NOX4: variants seen among roughly 807,000 people sequenced by gnomAD.
The protein encoded by NOX4 is NADPH oxidase 4.
A neutral mutation model predicts 87.6 loss-of-function variants in NOX4; 69 were observed. The observed-to-expected ratio is 0.79, with a 90% CI of 0.65 to 0.96. The LOEUF is 0.96. NOX4 is among the 40% of genes least tolerant of loss of function. The pLI, the probability that NOX4 is intolerant of heterozygous loss-of-function variation, is 0.00. For synonymous variants in NOX4, 275 were observed against 238.2 expected, an observed-to-expected ratio of 1.15 and a Z score of -1.42; for missense variants, 680 against 681.5, an observed-to-expected ratio of 1.00 and a Z score of 0.02.
chr11:89,444,070 TCA>T, intron 5 of NOX4, 63 bp downstream of exon 5: 3 of 1,397,926 alleles, frequency 2.1e-6, no homozygotes, highest in Non-Finnish European at 3.0e-6. Context: ...CAGGGAAAAA[TCA>T]CAGACCCTCA....
At chr11:89,550,624 C>T in the NOX4 span, among the ~76,000 whole-genome samples, 1 of 152,114 alleles carries the variant, frequency 6.6e-6, no homozygotes. Flanking sequence ...ATATCCTTCA[C>T]TCACTTTTTG....
At chr11:89,373,723 A>C (rs149379965) in intron 11 of NOX4, among the ~76,000 whole-genome samples, 1,737 of 152,194 alleles carry the variant, frequency 0.011, 38 homozygotes, top group African/African-American at 0.04. Flanking sequence ...GTAAAACAAT[A>C]AATTACACAC....
intron 8 of NOX4, among the ~76,000 whole-genome samples, chr11:89,406,606 T>C (rs1414825768): frequency 6.6e-6 from 1 of 152,126 alleles, no homozygotes; most frequent in African/African-American, 2.4e-5. Context: ...AGCAGCACTG[T>C]CCAATAGAGC....
At chr11:89,511,917 T>A in the NOX4 span, among the ~76,000 whole-genome samples, 2,265 of 152,192 alleles carry the variant, frequency 0.015, 47 homozygotes, top group African/African-American at 0.047. Flanking sequence ...AATAAACATA[T>A]TGAAGAAACA....
Position 89,449,515 on chromosome 11 carries a change from T to C in NOX4, c.274A>G (p.Arg92Gly). 6.2e-7 allele frequency: 1 copy of C among 1,610,906 alleles called. No homozygotes were observed. Among genetic ancestry groups the C allele is most frequent in the Non-Finnish European group, 8.5e-7 (1 of 1,177,984 alleles). The change falls in exon 4 of 18, where the codon AGG (arginine) becomes GGG (glycine). Residue 92 changes from arginine (R) to glycine (G), a missense_variant. Arg to Gly is a moderately radical substitution (Grantham distance 125). Coordinates refer to ENST00000263317, the MANE Select transcript of NOX4 (RefSeq NM_016931.5). ...YLRGSQKVPS[R>G]RTRRLLDKSR... is the part of the protein sequence containing the mutation. ...TTATCCAACAATCTCCTGGTTCTCC[T>C]GCTTGGAACCTAAACAAAAATCATT... is the stretch of plus-strand genomic sequence containing the variant.
intron 2 of NOX4, among the ~76,000 whole-genome samples, chr11:89,469,521 T>G (rs953059229): frequency 6.6e-6 from 1 of 152,144 alleles, no homozygotes; most frequent in Non-Finnish European, 1.5e-5. Flanking sequence ...GCCTAATTCT[T>G]TAGTGCTTTA....
intron 12 of NOX4, among the ~76,000 whole-genome samples, chr11:89,366,257 T>C (rs766753323): frequency 1.3e-5 from 2 of 152,082 alleles, no homozygotes; most frequent in Admixed American, 6.6e-5. Flanking sequence ...ACAGAGACTC[T>C]AAGCAACTTT....
chr11:89,373,532 CATAATATGA>C, intron 11 of NOX4, 40 bp from the exon 12 acceptor site: 1 of 1,205,662 alleles, frequency 8.3e-7, no homozygotes, highest in Non-Finnish European at 1.2e-6. Flanking sequence ...TTAATAATTA[CATAATATGA>C]AATTATAATT....
intron 13 of NOX4, among the ~76,000 whole-genome samples, chr11:89,354,207 A>G (rs547353299): frequency 6.6e-6 from 1 of 152,312 alleles, no homozygotes; most frequent in South Asian, 2.1e-4. Flanking sequence ...TATTTTAGAT[A>G]TTAGTTTATT....
At chr11:89,394,027 T>C (rs1304180186) in intron 11 of NOX4, among the ~76,000 whole-genome samples, 1 of 152,158 alleles carries the variant, frequency 6.6e-6, no homozygotes, top group Admixed American at 6.6e-5. Flanking sequence ...CTATCACATC[T>C]GTTACCATAA....
At chr11:89,441,149 G>A (rs1363249834) in intron 5 of NOX4, among the ~76,000 whole-genome samples, 1 of 152,172 alleles carries the variant, frequency 6.6e-6, no homozygotes, top group Admixed American at 6.5e-5. Flanking sequence ...ATATGTAGGG[G>A]ATTTGCGCAT....
Position 89,324,719 on chromosome 11 carries a change from GTTCT to G in NOX4, c.*2033_*2036del, listed in dbSNP as rs1381088480. On this transcript the variant is annotated 3_prime_UTR_variant, in exon 18 of 18. Transcript: ENST00000263317. ...ACTAACTCAAAGTGTCTTTTTACTAGTTCTTTCTGTTAAATGTTTCCATGAAAAT... is the reference window on the plus strand; with the variant it reads ...ACTAACTCAAAGTGTCTTTTTACTAGTTCTGTTAAATGTTTCCATGAAAAT... 1.3e-5 allele frequency: 2 copies of G among 152,250 alleles called. No individual in the cohort carries two copies. Among genetic ancestry groups the G allele is most frequent in the Non-Finnish European group, 2.9e-5 (2 of 68,014 alleles). The allele number at this position is 152,250 out of a possible 1,614,324, so 9.4% of individuals were successfully genotyped here. A position where few individuals can be genotyped will look rare whatever the true frequency, so the allele number is the denominator to read the frequency against.
the NOX4 span, among the ~76,000 whole-genome samples, chr11:89,520,245 A>G: frequency 6.6e-6 from 1 of 152,084 alleles, no homozygotes; most frequent in Non-Finnish European, 1.5e-5. Context: ...CTCCTCTGCT[A>G]TATGTAAAGA....
At chr11:89,436,578 A>G (rs1591244135) in intron 6 of NOX4, among the ~76,000 whole-genome samples, 2 of 152,320 alleles carry the variant, frequency 1.3e-5, no homozygotes, top group South Asian at 4.1e-4. Context: ...AGCTTTTAAA[A>G]TGAATAATTG....
chr11:89,342,219 G>C, intron 13 of NOX4, 26 bp from the exon 14 acceptor site: 1 of 1,579,356 alleles, frequency 6.3e-7, no homozygotes, highest in South Asian at 1.2e-5. Flanking sequence ...AAAAAGGTGG[G>C]AAAAAAATGA....
chr11:89,409,151 T>C (rs1942340076), intron 8 of NOX4, among the ~76,000 whole-genome samples: 1 of 152,148 alleles, frequency 6.6e-6, no homozygotes, highest in Non-Finnish European at 1.5e-5. Context: ...CTTTCATGCT[T>C]CACTAAAATG....
chr11:89,518,129 G>A, the NOX4 span, among the ~76,000 whole-genome samples: 1 of 151,962 alleles, frequency 6.6e-6, no homozygotes, highest in African/African-American at 2.4e-5. Flanking sequence ...GAAAAACATT[G>A]ACATAAAAGT....
the NOX4 span, among the ~76,000 whole-genome samples, chr11:89,571,789 C>T: frequency 3.9e-5 from 6 of 151,912 alleles, no homozygotes; most frequent in African/African-American, 1.5e-4. Context: ...CCATTGTATT[C>T]CTAAATAAGG....
At chr11:89,460,386 G>A (rs1213743500) in intron 2 of NOX4, among the ~76,000 whole-genome samples, 1 of 152,144 alleles carries the variant, frequency 6.6e-6, no homozygotes, top group Non-Finnish European at 1.5e-5. Flanking sequence ...CCTACGGAAT[G>A]GGAGAAAATT....
Sources: allele counts gnomAD v4.1 joint callset (sites outside exome capture counted in the v4.1 genomes callset), GRCh38; gene constraint gnomAD v4.1.1; transcripts MANE v1.5; gene names NCBI Gene and HGNC (gene_info 2026-07-23, HGNC 2026-07-21).